PTPRD: variants seen among roughly 807,000 people sequenced by gnomAD.
The protein encoded by PTPRD is protein tyrosine phosphatase receptor type D.
In PTPRD, 34 loss-of-function variants were observed where a neutral mutation model predicts 214.5. That is an observed-to-expected ratio of 0.16 (90% CI 0.12 to 0.21). The LOEUF (loss-of-function observed/expected upper bound fraction) is 0.21. Among genes scored for constraint, PTPRD ranks in the 10% least tolerant of loss-of-function variants. PTPRD has a pLI of 1.00. For synonymous variants in PTPRD, 1,128 were observed against 845.7 expected (o/e 1.33, Z -5.79); for missense variants, 2,545 against 2,398.7 (o/e 1.06, Z -1.27).
intron 3 of PTPRD, among the ~76,000 whole-genome samples, chr9:10,275,722 C>G (rs894066089): frequency 6.6e-6 from 1 of 152,114 alleles, no homozygotes; most frequent in Non-Finnish European, 1.5e-5. Flanking sequence ...GGAGAGAATT[C>G]TTAGAAGCAT....
chr9:9,253,290 A>AAAT (rs2099976230), intron 9 of PTPRD, among the ~76,000 whole-genome samples: 1 of 152,068 alleles, frequency 6.6e-6, no homozygotes, highest in African/African-American at 2.4e-5. Flanking sequence ...CATTCAATAT[A>AAAT]AATTATTAAT....
At chr9:8,476,411 T>G (rs1417990977) in intron 30 of PTPRD, among the ~76,000 whole-genome samples, 5 of 152,066 alleles carry the variant, frequency 3.3e-5, no homozygotes, top group Non-Finnish European at 7.4e-5. Context: ...CTAACAAGGT[T>G]AGGAATTGGC....
At chr9:8,807,321 A>G (rs2096707276) in intron 11 of PTPRD, among the ~76,000 whole-genome samples, 1 of 152,150 alleles carries the variant, frequency 6.6e-6, no homozygotes, top group Non-Finnish European at 1.5e-5. Flanking sequence ...TGGGTGACAG[A>G]GCGAGACTCC....
intron 8 of PTPRD, among the ~76,000 whole-genome samples, chr9:9,442,910 T>G (rs2088738323): frequency 6.6e-6 from 1 of 152,190 alleles, no homozygotes; most frequent in South Asian, 2.1e-4. Flanking sequence ...ATCTGTACAT[T>G]TTTATCCATA....
intron 8 of PTPRD, among the ~76,000 whole-genome samples, chr9:9,557,487 G>A (rs909990295): frequency 6.6e-6 from 1 of 151,966 alleles, no homozygotes; most frequent in African/African-American, 2.4e-5. Context: ...TCTCTCTCGG[G>A]AGAAAAAAAT....
At chr9:8,493,066 A>T in intron 26 of PTPRD, 87 bp from the exon 27 acceptor site, 1 of 1,072,376 alleles carries the variant, frequency 9.3e-7, no homozygotes, top group Non-Finnish European at 1.4e-6. Context: ...TTCATTCTGC[A>T]AATGCTCGCA....
chr9:9,683,208 T>C (rs762102185), intron 7 of PTPRD, among the ~76,000 whole-genome samples: 4 of 151,904 alleles, frequency 2.6e-5, no homozygotes, highest in Non-Finnish European at 5.9e-5. Flanking sequence ...TTCAATGAGT[T>C]AAGTGACCTG....
At chr9:8,836,571 G>C (rs2097426855) in intron 11 of PTPRD, among the ~76,000 whole-genome samples, 1 of 135,180 alleles carries the variant, frequency 7.4e-6, no homozygotes, top group African/African-American at 2.7e-5. Context: ...CTTAAGTTCA[G>C]AGTATTAATA....
At chr9:9,276,966 G>T (rs1419767634) in intron 9 of PTPRD, among the ~76,000 whole-genome samples, 1 of 151,128 alleles carries the variant, frequency 6.6e-6, no homozygotes, top group East Asian at 2.0e-4. Flanking sequence ...AGCATTTTCA[G>T]CATCTCTGCA....
intron 3 of PTPRD, among the ~76,000 whole-genome samples, chr9:10,064,950 C>G (rs565315): frequency 2.0e-5 from 3 of 151,740 alleles, no homozygotes; most frequent in Admixed American, 1.3e-4. Context: ...CAGTGACTTT[C>G]CTAAAATTTC....
intron 2 of PTPRD, among the ~76,000 whole-genome samples, chr9:10,548,031 C>T (rs1442980911): frequency 6.6e-6 from 1 of 152,032 alleles, no homozygotes; most frequent in Non-Finnish European, 1.5e-5. Context: ...AAAGACAGAG[C>T]TCTAGCAGTT....
At chr9:9,977,317 C>T (rs2095391932) in intron 4 of PTPRD, among the ~76,000 whole-genome samples, 1 of 152,108 alleles carries the variant, frequency 6.6e-6, no homozygotes. Flanking sequence ...GTTTTTGGCA[C>T]ATATCTTTAA....
intron 11 of PTPRD, among the ~76,000 whole-genome samples, chr9:8,893,191 T>C (rs1313780134): frequency 6.6e-6 from 1 of 151,992 alleles, no homozygotes; most frequent in Admixed American, 6.6e-5. Flanking sequence ...GAGAAAAAAA[T>C]CTGATGGGAC....
chr9:10,186,172 G>A (rs1379643901), intron 3 of PTPRD, among the ~76,000 whole-genome samples: 2 of 151,806 alleles, frequency 1.3e-5, no homozygotes, highest in African/African-American at 2.4e-5. Context: ...TTGGATCAAC[G>A]TTTTTGATTG....
At chr9:8,536,774 T>C (rs892587680) in intron 14 of PTPRD, among the ~76,000 whole-genome samples, 6 of 152,020 alleles carry the variant, frequency 3.9e-5, no homozygotes, top group South Asian at 2.1e-4. Context: ...ATCTACCCTA[T>C]GACTTTGGGC....
At chr9:9,701,217 A>G (rs1330481095) in intron 7 of PTPRD, among the ~76,000 whole-genome samples, 1 of 152,134 alleles carries the variant, frequency 6.6e-6, no homozygotes, top group Non-Finnish European at 1.5e-5. Flanking sequence ...TTTGGGAGGT[A>G]ACACTGAAAA....
intron 7 of PTPRD, among the ~76,000 whole-genome samples, chr9:9,684,709 G>T (rs865802932): frequency 1.4e-5 from 2 of 147,744 alleles, no homozygotes; most frequent in African/African-American, 4.9e-5. Context: ...GTGTGTGTGT[G>T]TATGTGTGTG....
intron 43 of PTPRD, among the ~76,000 whole-genome samples, chr9:8,338,356 C>T (rs965421907): frequency 7.2e-5 from 11 of 152,094 alleles, no homozygotes; most frequent in African/African-American, 2.7e-4. Flanking sequence ...AATTAGCCAA[C>T]AAGGGTCATG....
chr9:8,470,740 G>C (rs1484490320), intron 31 of PTPRD, among the ~76,000 whole-genome samples: 4 of 152,078 alleles, frequency 2.6e-5, no homozygotes, highest in African/African-American at 9.7e-5. Flanking sequence ...AAGGAGCAAG[G>C]GGCAAAATGT....
Sources: gnomAD v4.1 joint callset for allele counts (sites outside exome capture counted in the v4.1 genomes callset) on GRCh38, gnomAD v4.1.1 for gene constraint, MANE v1.5 for transcripts, NCBI Gene and HGNC (gene_info 2026-07-23, HGNC 2026-07-21) for gene names.